PHF21A: variants seen among roughly 807,000 people sequenced by gnomAD.
PHF21A encodes BHC80a.
In PHF21A, 11 loss-of-function variants were observed where a neutral mutation model predicts 82.5. That is an observed-to-expected ratio of 0.13 (90% confidence interval 0.08 to 0.22). The LOEUF (loss-of-function observed/expected upper bound fraction) is 0.22. Among genes scored for constraint, PHF21A ranks in the 10% least tolerant of loss-of-function variants. PHF21A has a pLI of 1.00. For missense variants in PHF21A, 579 were observed against 837.8 expected, an observed-to-expected ratio of 0.69 and a Z score of 3.81; for synonymous variants, 297 against 302.8, an observed-to-expected ratio of 0.98 and a Z score of 0.20.
At chr11:46,048,762 T>TC (rs2096296466) in intron 6 of PHF21A, among the ~76,000 whole-genome samples, 1 of 151,810 alleles carries the variant, frequency 6.6e-6, no homozygotes, top group Non-Finnish European at 1.5e-5. Flanking sequence ...AGAGCAAGAC[T>TC]CCATCTCAAA....
At chr11:45,990,179 C>T (rs76202957) in intron 6 of PHF21A, among the ~76,000 whole-genome samples, 2,840 of 151,608 alleles carry the variant, frequency 0.019, 53 homozygotes, top group Non-Finnish European at 0.031. Flanking sequence ...CACAAACATA[C>T]ACACACCCCT....
intron 16 of PHF21A, among the ~76,000 whole-genome samples, chr11:45,937,466 G>A (rs1211152913): frequency 1.3e-5 from 2 of 152,086 alleles, no homozygotes; most frequent in Non-Finnish European, 1.5e-5. Context: ...AAAGTGAAAT[G>A]GGTGTTGTTT....
intron 6 of PHF21A, among the ~76,000 whole-genome samples, chr11:46,016,165 A>C (rs1031297418): frequency 6.6e-6 from 1 of 152,186 alleles, no homozygotes; most frequent in Non-Finnish European, 1.5e-5. Context: ...TTTTAGCTCC[A>C]CTATAATCTT....
chr11:45,948,208 A>T (rs1405327655), intron 14 of PHF21A, among the ~76,000 whole-genome samples: 2 of 152,190 alleles, frequency 1.3e-5, no homozygotes, highest in Non-Finnish European at 2.9e-5. Context: ...AGCTGTTAAG[A>T]CCTATTTAGA....
chr11:45,950,788 T>C (rs559419768), intron 11 of PHF21A, among the ~76,000 whole-genome samples: 7 of 152,234 alleles, frequency 4.6e-5, no homozygotes, highest in Admixed American at 1.3e-4. Context: ...TCACAAAACA[T>C]GCAGAGAGTT....
chr11:45,941,212 C>A (rs1353055347), intron 15 of PHF21A, among the ~76,000 whole-genome samples: 1 of 152,150 alleles, frequency 6.6e-6, no homozygotes, highest in Non-Finnish European at 1.5e-5. Context: ...AATCCTCCCA[C>A]CTCAGCCTCC....
intron 1 of PHF21A, among the ~76,000 whole-genome samples, chr11:46,113,739 T>C (rs1260573638): frequency 6.6e-6 from 1 of 151,672 alleles, no homozygotes; most frequent in East Asian, 1.9e-4. Flanking sequence ...GACAGGAGAA[T>C]TGCTTGAACC....
chr11:46,005,919 T>C (rs1565499981), intron 6 of PHF21A, among the ~76,000 whole-genome samples: 1 of 152,264 alleles, frequency 6.6e-6, no homozygotes, highest in East Asian at 1.9e-4. Context: ...ACTTCAGAAC[T>C]CTCAAGAACA....
intron 6 of PHF21A, among the ~76,000 whole-genome samples, chr11:46,004,863 G>A (rs1257043237): frequency 6.6e-6 from 1 of 152,106 alleles, no homozygotes; most frequent in African/African-American, 2.4e-5. Flanking sequence ...ATACTTACAT[G>A]TGTTCGAAAT....
intron 6 of PHF21A, among the ~76,000 whole-genome samples, chr11:46,008,194 C>A (rs1445491236): frequency 6.6e-6 from 1 of 152,228 alleles, no homozygotes; most frequent in Non-Finnish European, 1.5e-5. Flanking sequence ...CCCATACACT[C>A]TATCATGTGA....
chr11:46,107,235 A>C (rs2097161836), intron 1 of PHF21A, among the ~76,000 whole-genome samples: 1 of 152,254 alleles, frequency 6.6e-6, no homozygotes, highest in African/African-American at 2.4e-5. Flanking sequence ...ATAATTTTTA[A>C]AAGTGTAGAG....
chr11:46,035,313 T>A (rs1028913020), intron 6 of PHF21A, among the ~76,000 whole-genome samples: 1 of 152,216 alleles, frequency 6.6e-6, no homozygotes, highest in African/African-American at 2.4e-5. Context: ...TATATTAAAT[T>A]CCAATTCATA....
intron 1 of PHF21A, among the ~76,000 whole-genome samples, chr11:46,113,325 T>A (rs2097244820): frequency 6.6e-6 from 1 of 152,220 alleles, no homozygotes; most frequent in Admixed American, 6.5e-5. Flanking sequence ...TGTTCTCTGA[T>A]GTGGCACACA....
chr11:46,025,249 A>G (rs1026676308), intron 6 of PHF21A, among the ~76,000 whole-genome samples: 16 of 152,232 alleles, frequency 1.1e-4, no homozygotes, highest in Admixed American at 1.3e-4. Context: ...CCACAGATAC[A>G]AAGAGGTGGA....
intron 6 of PHF21A, among the ~76,000 whole-genome samples, chr11:46,033,267 T>C (rs1268571735): frequency 6.6e-6 from 1 of 152,128 alleles, no homozygotes; most frequent in African/African-American, 2.4e-5. Flanking sequence ...TTGTTGTTAG[T>C]ATTATTGTTG....
intron 6 of PHF21A, among the ~76,000 whole-genome samples, chr11:46,067,387 C>T (rs564402751): frequency 2.0e-4 from 31 of 152,208 alleles, no homozygotes; most frequent in African/African-American, 7.5e-4. Flanking sequence ...GACGTAGTAA[C>T]ATTGCAGAAG....
At chr11:45,979,733 C>T (rs1290806620) in intron 7 of PHF21A, 27 bp downstream of exon 7, 3 of 1,612,818 alleles carry the variant, frequency 1.9e-6, no homozygotes, top group South Asian at 2.2e-5. Flanking sequence ...CAATCTGCAG[C>T]CTGCAATGTT....
intron 10 of PHF21A, among the ~76,000 whole-genome samples, chr11:45,965,108 C>T (rs918727797): frequency 1.3e-5 from 2 of 152,188 alleles, no homozygotes; most frequent in East Asian, 1.9e-4. Flanking sequence ...AGCCCATCTA[C>T]GAGGGGATGG....
chr11:45,934,718 A>T (rs2088420070), intron 18 of PHF21A: 1 of 312,214 alleles, frequency 3.2e-6, no homozygotes, highest in Non-Finnish European at 6.3e-6. Context: ...GTGAGACGAC[A>T]GGCCAGCAGC....
Sources: allele counts gnomAD v4.1 joint callset (sites outside exome capture counted in the v4.1 genomes callset), GRCh38; gene constraint gnomAD v4.1.1; transcripts MANE v1.5; gene names NCBI Gene and HGNC (gene_info 2026-07-23, HGNC 2026-07-21).